SLC22A23: variants seen among roughly 807,000 people sequenced by gnomAD.
The protein encoded by SLC22A23 is solute carrier family 22 member 23.
A neutral mutation model predicts 61.0 loss-of-function variants in SLC22A23; 26 were observed. That is an observed-to-expected ratio of 0.43 (90% CI 0.31 to 0.59). The LOEUF is 0.59. SLC22A23 is among the 20% of genes least tolerant of loss of function. The pLI, the probability that SLC22A23 is intolerant of heterozygous loss-of-function variation, is 0.11. For synonymous variants in SLC22A23, 430 were observed against 413.9 expected (o/e 1.04, Z -0.47); for missense variants, 796 against 934.7 (o/e 0.85, Z 1.94).
intron 1 of SLC22A23, among the ~76,000 whole-genome samples, chr6:3,418,269 T>C (rs1412866234): frequency 6.6e-6 from 1 of 152,222 alleles, no homozygotes; most frequent in Admixed American, 6.5e-5. Context: ...AATGCTTTCA[T>C]GTCTCCCCCA....
intron 9 of SLC22A23, among the ~76,000 whole-genome samples, chr6:3,279,391 A>G (rs1759211126): frequency 6.6e-6 from 1 of 151,414 alleles, no homozygotes; most frequent in Non-Finnish European, 1.5e-5. Context: ...CGTGCACGTA[A>G]TCCCAGCTGC....
At chr6:3,355,877 T>C (rs76270537) in intron 3 of SLC22A23, among the ~76,000 whole-genome samples, 5,093 of 148,800 alleles carry the variant, frequency 0.034, 304 homozygotes, top group African/African-American at 0.12. Flanking sequence ...GATATAACGC[T>C]GAGGTATTAA....
At chr6:3,295,240 G>A (rs1300020731) in intron 5 of SLC22A23, among the ~76,000 whole-genome samples, 2 of 152,252 alleles carry the variant, frequency 1.3e-5, no homozygotes, top group East Asian at 1.9e-4. Flanking sequence ...GGGGAGAAGT[G>A]CTGAAGTTGT....
chr6:3,273,860 GAC>G (rs906022701), intron 9 of SLC22A23, among the ~76,000 whole-genome samples: 4 of 152,176 alleles, frequency 2.6e-5, no homozygotes, highest in African/African-American at 9.7e-5. Context: ...GGGTACTAAG[GAC>G]ATACCAACAC....
chr6:3,396,202 C>T (rs999258146), intron 3 of SLC22A23, among the ~76,000 whole-genome samples: 2 of 152,188 alleles, frequency 1.3e-5, no homozygotes, highest in Non-Finnish European at 2.9e-5. Context: ...GCTCCATCCC[C>T]ACAGACCTAG....
chr6:3,375,331 G>T (rs1766493738), intron 3 of SLC22A23, among the ~76,000 whole-genome samples: 1 of 152,204 alleles, frequency 6.6e-6, no homozygotes, highest in African/African-American at 2.4e-5. Flanking sequence ...TGTAGAGTCT[G>T]ATGAATTCTC....
chr6:3,323,662 G>C (rs958867154), intron 4 of SLC22A23, 172 bp downstream of exon 4: 1 of 767,550 alleles, frequency 1.3e-6, no homozygotes, highest in Non-Finnish European at 2.1e-6. Context: ...AGTTTTCCAA[G>C]ACAGAAAGTT....
chr6:3,315,348 C>T (rs1055389540), intron 4 of SLC22A23, among the ~76,000 whole-genome samples: 4 of 152,200 alleles, frequency 2.6e-5, no homozygotes, highest in East Asian at 1.9e-4. Flanking sequence ...TCCACAAATG[C>T]GTGCGTGTCC....
chr6:3,294,107 C>T (rs956555137), intron 5 of SLC22A23, among the ~76,000 whole-genome samples: 1 of 152,186 alleles, frequency 6.6e-6, no homozygotes, highest in African/African-American at 2.4e-5. Flanking sequence ...CATGGAGTTA[C>T]TGCTCCCCAC....
At position 3,324,691 on chromosome 6, in the gene SLC22A23, C is replaced by T. The variant is rs1035568380; in HGVS notation, c.914-689G>A. Among the ~76,000 whole-genome samples the T allele has an allele frequency of 1.3e-5, 2 of 152,242 alleles. No individual in the cohort carries two copies. Among genetic ancestry groups the T allele is most frequent in the African/African-American group, 4.8e-5 (2 of 41,460 alleles). On this transcript the variant is annotated intron_variant, in intron 3 of 9. Coordinates refer to ENST00000406686, the MANE Select transcript of SLC22A23 (RefSeq NM_015482.2). This position sits in a 1 kb window ranked among gnomAD's most constrained non-coding sequence, Gnocchi z 4.3. ...CTCCACGTGGGAGTTCTGTGGGCCA[C>T]TGCAACACGGGTGAGTCATGCATCC... is the stretch of plus-strand genomic sequence containing the variant.
chr6:3,332,772 GT>G (rs918098354), intron 3 of SLC22A23, among the ~76,000 whole-genome samples: 9 of 149,412 alleles, frequency 6.0e-5, no homozygotes, highest in African/African-American at 1.2e-4. Context: ...TCTCTTTATA[GT>G]TTTTTTTTTA....
At chr6:3,298,433 A>G (rs7775352) in intron 4 of SLC22A23, among the ~76,000 whole-genome samples, 4,173 of 152,186 alleles carry the variant, frequency 0.027, 193 homozygotes, top group African/African-American at 0.095. Context: ...ATGCTTAACA[A>G]AAGTTAACCA....
chr6:3,454,504 C>T lies in SLC22A23; in HGVS notation c.654+1402G>A, dbSNP rs760703627. 2.0e-5 allele frequency among the ~76,000 whole-genome samples: 3 copies of T among 152,246 alleles called. No homozygotes were observed. Among genetic ancestry groups the T allele is most frequent in the Non-Finnish European group, 2.9e-5 (2 of 68,054 alleles). On this transcript the variant is annotated intron_variant, in intron 1 of 9. Coordinates refer to ENST00000406686, the MANE Select transcript of SLC22A23 (RefSeq NM_015482.2). The surrounding 1 kb of genome is among the most constrained non-coding windows in gnomAD (Gnocchi z 4.3). ...AAATACTTAACAATGTTGCCAAATC[C>T]TCAGTCTGTCAGACATACACAGTGA...
At chr6:3,305,079 T>C (rs1761880516) in intron 4 of SLC22A23, among the ~76,000 whole-genome samples, 1 of 152,022 alleles carries the variant, frequency 6.6e-6, no homozygotes. Context: ...CTCACCACCT[T>C]CCCCATGACG....
At chr6:3,361,599 C>A (rs1765452210) in intron 3 of SLC22A23, among the ~76,000 whole-genome samples, 1 of 152,238 alleles carries the variant, frequency 6.6e-6, no homozygotes, top group South Asian at 2.1e-4. Context: ...TTACAGAGGA[C>A]AAGGGGCTGG....
In SLC22A23 at chr6:3,283,965, G is replaced by A; in HGVS notation, c.1590C>T (p.Asp530=). The change falls in exon 9 of 10, where the codon GAC becomes GAT. Residue 530 remains aspartate, a synonymous_variant. Coordinates refer to ENST00000406686, the MANE Select transcript of SLC22A23 (RefSeq NM_015482.2). ...YSQHPDSGMS[D]SVKDKFSIAF... ...CGATGGAAAATTTGTCCTTGACGCT[G>A]TCACTCATCCCTGGGGGAAGGTCAG... 5.6e-6 allele frequency: 9 copies of A among 1,605,422 alleles called. No individual in the cohort carries two copies. The highest frequency in any genetic ancestry group is 7.7e-6 in the Non-Finnish European group (9 of 1,173,080).
chr6:3,338,329 C>T (rs1045287403), intron 3 of SLC22A23, among the ~76,000 whole-genome samples: 7 of 152,240 alleles, frequency 4.6e-5, no homozygotes, highest in Middle Eastern at 3.4e-3. Flanking sequence ...TGTTAATCTG[C>T]CTTTATTTCT....
intron 2 of SLC22A23, among the ~76,000 whole-genome samples, chr6:3,412,282 G>A (rs1161891056): frequency 6.6e-6 from 1 of 152,194 alleles, no homozygotes; most frequent in Non-Finnish European, 1.5e-5. Context: ...GGTCTACAGG[G>A]CAAACACTGT....
chr6:3,453,324 C>T (rs139196642), intron 1 of SLC22A23, among the ~76,000 whole-genome samples: 1 of 152,146 alleles, frequency 6.6e-6, no homozygotes, highest in Non-Finnish European at 1.5e-5. Context: ...CCAAAGTGTG[C>T]CTTCCTGCAA....
Sources: allele counts gnomAD v4.1 joint callset (sites outside exome capture counted in the v4.1 genomes callset), GRCh38; gene constraint gnomAD v4.1.1; non-coding constraint Gnocchi (gnomAD v3.1); transcripts MANE v1.5; gene names NCBI Gene and HGNC (gene_info 2026-07-23, HGNC 2026-07-21).